The following COL6A3 variants were observed in gnomAD, a reference collection of about 807,000 sequenced individuals.
The protein encoded by COL6A3 is collagen alpha-3(VI) chain.
In COL6A3, 137 loss-of-function variants were observed where a neutral mutation model predicts 274.1. That is an observed-to-expected ratio of 0.50 (90% CI 0.44 to 0.58). The LOEUF is 0.58. Among genes scored for constraint, COL6A3 ranks in the 20% least tolerant of loss-of-function variants. The pLI, the probability that COL6A3 is intolerant of heterozygous loss-of-function variation, is 0.00. For synonymous variants in COL6A3, 1,650 were observed against 1,650.6 expected, an observed-to-expected ratio of 1.00 and a Z score of 0.01; for missense variants, 3,950 against 4,124.9, an observed-to-expected ratio of 0.96 and a Z score of 1.16.
intron 3 of COL6A3, among the ~76,000 whole-genome samples, chr2:237,393,237 C>T (rs2078338358): frequency 6.6e-6 from 1 of 152,216 alleles, no homozygotes; most frequent in African/African-American, 2.4e-5. Context: ...AGGCAGGGAT[C>T]CACACTAATG....
rs55837979 is a variant in COL6A3 at position 237,335,207 on chromosome 2, G to T, written c.8966-318C>A. 0.069 allele frequency among the ~76,000 whole-genome samples: 10,429 copies of T among 152,184 alleles called. 469 individuals are homozygous for T. The highest frequency in any genetic ancestry group is 0.1 in the Non-Finnish European group (6,949 of 67,980). On this transcript the variant is annotated intron_variant, in intron 40 of 43. Transcript: ENST00000295550. ...TCCTAAGTTGTGTTTGCTACAAAATGAGCCCCATAATTTAAAATATATTAA... is the reference window on the plus strand; with the variant it reads ...TCCTAAGTTGTGTTTGCTACAAAATTAGCCCCATAATTTAAAATATATTAA...
At position 237,405,985 on chromosome 2, in the gene COL6A3, A is replaced by G. The variant is rs529875750; in HGVS notation, c.-31+7968T>C. 1.6e-4 allele frequency among the ~76,000 whole-genome samples: 25 copies of G among 152,284 alleles called. No individual in the cohort carries two copies. The South Asian group carries it at 5.2e-3, about 32-fold the overall frequency. ...CTGTGTCCTAAAGGAAACAGATTCA[A>G]TAAGAGACATTCATCACATTTTCAT... On this transcript the variant is annotated intron_variant, in intron 1 of 43. Transcript: ENST00000295550.
chr2:237,336,596 AC>A (rs1700566540), intron 39 of COL6A3, 64 bp from the exon 40 acceptor site: 2 of 1,553,442 alleles, frequency 1.3e-6, no homozygotes, highest in Non-Finnish European at 1.8e-6. Context: ...TAAAGACATA[AC>A]CCCATGAGCT....
At chr2:237,382,155 G>A (rs1026620717) in intron 4 of COL6A3, among the ~76,000 whole-genome samples, 4 of 152,192 alleles carry the variant, frequency 2.6e-5, no homozygotes, top group African/African-American at 9.7e-5. Flanking sequence ...GGCTGAGGCA[G>A]GTGGATCATC....
chr2:237,372,228 G>A lies in COL6A3; in HGVS notation c.3789C>T (p.Asp1263=), dbSNP rs779279055. The A allele has an allele frequency of 9.3e-6, 15 of 1,613,954 alleles. No homozygotes were observed. Among genetic ancestry groups the A allele is most frequent in the African/African-American group, 5.3e-5 (4 of 74,918 alleles). Residue 1263 remains aspartate (D), a synonymous_variant, in exon 9 of 44, where the codon GAC becomes GAT. Coordinates refer to ENST00000295550, the MANE Select transcript of COL6A3 (RefSeq NM_004369.4). ...CCACCCGGGTGGTGTCAAAGCCCAC[G>A]TCCAGGTAGTCAACCAGCCTCTCTA... is the stretch of plus-strand genomic sequence containing the variant. ...TLIERLVDYL[D]VGFDTTRVAV...
At chr2:237,352,154 A>G (rs3828134) in intron 26 of COL6A3, among the ~76,000 whole-genome samples, 4,203 of 152,304 alleles carry the variant, frequency 0.028, 75 homozygotes, top group South Asian at 0.039. Flanking sequence ...CAAAATACAT[A>G]AGCACAAGGG....
rs777454030 is a variant in COL6A3 at position 237,344,395 on chromosome 2, C to G, written c.7623G>C (p.Leu2541Phe). ...LKLSDAGITP[L>F]FLTRQEDRQL... ...GCCGGTCTTCCTGCCTTGTAAGGAA[C>G]AAGGGGGTGATCCCCGCATCTGAGA... is the stretch of plus-strand genomic sequence containing the variant. Residue 2541 changes from leucine (L) to phenylalanine (F), a missense_variant, in exon 36 of 44, where the codon TTG (leucine) becomes TTC (phenylalanine). Physicochemically the swap from Leu to Phe is conservative, Grantham distance 22 (BLOSUM62 0). This residue lies in a region of COL6A3 where 1,284 missense variants were observed against 1,349.7 expected (regional missense o/e 0.95). Coordinates refer to ENST00000295550, the MANE Select transcript of COL6A3 (RefSeq NM_004369.4). The surrounding 1 kb of genome is among the most constrained non-coding windows in gnomAD (Gnocchi z 4.8). The G allele has an allele frequency of 6.2e-6, 10 of 1,614,190 alleles. No homozygotes were observed. Among genetic ancestry groups the G allele is most frequent in the Non-Finnish European group, 8.5e-6 (10 of 1,180,002 alleles).
chr2:237,402,185 T>C (rs1338890776), intron 1 of COL6A3, among the ~76,000 whole-genome samples: 1 of 152,114 alleles, frequency 6.6e-6, no homozygotes. Flanking sequence ...GTCAAAGTCT[T>C]AGAAAAAGAA....
intron 21 of COL6A3, 63 bp downstream of exon 21, chr2:237,358,458 C>T: frequency 7.6e-7 from 1 of 1,310,112 alleles, no homozygotes; most frequent in Non-Finnish European, 1.1e-6. Flanking sequence ...CCTTTCATCC[C>T]CCTTTCCCAA....
At chr2:237,384,780 C>A (rs1281181402) in intron 4 of COL6A3, among the ~76,000 whole-genome samples, 1 of 152,108 alleles carries the variant, frequency 6.6e-6, no homozygotes, top group Non-Finnish European at 1.5e-5. Flanking sequence ...CACCACTAAC[C>A]CACAGCCTAC....
chr2:237,359,087 C>A lies in COL6A3; in HGVS notation c.6356G>T (p.Gly2119Val). The stretch of plus-strand genomic sequence containing the variant: ...AGAAGAACCAGGCAATCCTTTGTCT[C>A]CCTGCCAAAGACAAGGATTAAAGGT... ...IGLDGLDGED[G>V]DKGLPGSSGE... Residue 2119 changes from glycine to valine, a missense_variant and splice_region_variant, in exon 20 of 44, where the codon GGA (glycine) becomes GTA (valine). Around this residue, in one of 5 missense-constraint regions of COL6A3, gnomAD observed 92 missense variants for 143.4 expected, o/e 0.64. Coordinates refer to ENST00000295550, the MANE Select transcript of COL6A3 (RefSeq NM_004369.4). 1 of 1,614,100 alleles carries A rather than the reference C, an allele frequency of 6.2e-7. No homozygotes were observed.
At chr2:237,335,006 G>T in intron 40 of COL6A3, 117 bp from the exon 41 acceptor site, 1 of 1,223,394 alleles carries the variant, frequency 8.2e-7, no homozygotes, top group Non-Finnish European at 1.2e-6. Context: ...TTGAAATTTA[G>T]CTGAGGCGGG....
rs911310151 is a variant in COL6A3 at position 237,344,166 on chromosome 2, G to A, written c.7668+184C>T. ...GTGCTACAAGCATGTAGGCGTCCCTGTAGTGCTGGAGCCACGAGGTTGTCC... is the reference window on the plus strand; with the variant it reads ...GTGCTACAAGCATGTAGGCGTCCCTATAGTGCTGGAGCCACGAGGTTGTCC... On this transcript the variant is annotated intron_variant, in intron 36 of 43. Transcript: ENST00000295550. This position sits in a 1 kb window ranked among gnomAD's most constrained non-coding sequence, Gnocchi z 4.8. 2.8e-5 allele frequency: 24 copies of A among 845,456 alleles called. No homozygotes were observed. Among genetic ancestry groups the A allele is most frequent in the African/African-American group, 5.0e-5 (3 of 60,450 alleles). The allele number at this position is 845,456 out of a possible 1,614,324, so 52.4% of individuals were successfully genotyped here.
At position 237,395,124 on chromosome 2, in the gene COL6A3, CA is replaced by C. The variant is rs1265347337; in HGVS notation, c.171del (p.Val58PhefsTer9). The C allele has an allele frequency of 4.3e-6, 7 of 1,613,900 alleles. No individual in the cohort carries two copies. Among genetic ancestry groups the C allele is most frequent in the Non-Finnish European group, 5.9e-6 (7 of 1,180,002 alleles). On this transcript the variant is annotated frameshift_variant, in exon 3 of 44. Coordinates refer to ENST00000295550, the MANE Select transcript of COL6A3 (RefSeq NM_004369.4). LOFTEE classifies it high-confidence loss of function. Reference sequence around the variant, plus strand: ...ACAACATCATATAGAAACTCTCGAACAAGTTGGAAATGTTCCTCTCCAATGG... The same window carrying C: ...ACAACATCATATAGAAACTCTCGAACAGTTGGAAATGTTCCTCTCCAATGG... ...SWTIGEEHFQ[L>X]VREFLYDVVK...
At position 237,374,041 on chromosome 2, in the gene COL6A3, C is replaced by T. The variant is rs2106360177; in HGVS notation, c.3679+371G>A. ...TTCCTGCCTCACAGAAGGCTGCTGA[C>T]CAAACCTACCAGGGGTCGCAGGACT... On this transcript the variant is annotated intron_variant, in intron 8 of 43. Transcript: ENST00000295550. The surrounding 1 kb of genome is among the most constrained non-coding windows in gnomAD (Gnocchi z 4.8). 6.6e-6 allele frequency among the ~76,000 whole-genome samples: 1 copy of T among 152,304 alleles called. No individual in the cohort carries two copies. The highest frequency in any genetic ancestry group is 2.4e-5 in the African/African-American group (1 of 41,570).
intron 14 of COL6A3, among the ~76,000 whole-genome samples, chr2:237,362,308 C>T (rs1574980854): frequency 6.6e-6 from 1 of 152,184 alleles, no homozygotes; most frequent in South Asian, 2.1e-4. Context: ...AAAGAGGCTT[C>T]CAGAGCAGCC....
At chr2:237,351,259 C>T in intron 26 of COL6A3, 67 bp from the exon 27 acceptor site, 2 of 1,469,402 alleles carry the variant, frequency 1.4e-6, no homozygotes, top group Non-Finnish European at 1.9e-6. Context: ...GTCTCTGAAA[C>T]CTGACTCTCC....
At chr2:237,412,161 G>A (rs1023858778) in intron 1 of COL6A3, among the ~76,000 whole-genome samples, 4 of 152,174 alleles carry the variant, frequency 2.6e-5, no homozygotes, top group East Asian at 1.9e-4. Flanking sequence ...TAAAAGCCAC[G>A]CCTCCCCACC....
intron 1 of COL6A3, among the ~76,000 whole-genome samples, chr2:237,411,543 A>C (rs553209826): frequency 1.3e-5 from 2 of 152,326 alleles, no homozygotes; most frequent in East Asian, 3.9e-4. Flanking sequence ...TCCGTTCCTG[A>C]AACTAAGGTC....
Sources: allele counts gnomAD v4.1 joint callset (sites outside exome capture counted in the v4.1 genomes callset), GRCh38; gene constraint gnomAD v4.1.1; regional missense constraint gnomAD v4.1.1; non-coding constraint Gnocchi (gnomAD v3.1); transcripts MANE v1.5; gene names NCBI Gene and HGNC (gene_info 2026-07-23, HGNC 2026-07-21).